RPS6KC1: variants seen among roughly 807,000 people sequenced by gnomAD.
RPS6KC1 encodes inactive ribosomal protein S6 kinase delta-1.
RPS6KC1 carries 54 observed loss-of-function variants against 103.8 expected under a neutral mutation model. The ratio of observed to expected loss-of-function variants is 0.52; its 90% CI spans 0.42 to 0.65. The LOEUF is 0.65. RPS6KC1 is among the 30% of genes least tolerant of loss of function. The pLI is 0.00. For synonymous variants in RPS6KC1, 439 were observed against 438.7 expected (o/e 1.00, Z -0.01); for missense variants, 1,151 against 1,253.8 (o/e 0.92, Z 1.24).
At chr1:213,383,136 G>A in the RPS6KC1 span, among the ~76,000 whole-genome samples, 1 of 152,136 alleles carries the variant, frequency 6.6e-6, no homozygotes, top group Non-Finnish European at 1.5e-5. Context: ...CCGGCCGTCC[G>A]CTCTGTACTG....
At chr1:213,859,978 A>T in the RPS6KC1 span, among the ~76,000 whole-genome samples, 1 of 150,010 alleles carries the variant, frequency 6.7e-6, no homozygotes, top group African/African-American at 2.5e-5. Flanking sequence ...AGTCTAAACA[A>T]AAAAAAAATC....
At chr1:213,133,477 C>T (rs2085891319) in intron 6 of RPS6KC1, among the ~76,000 whole-genome samples, 1 of 152,120 alleles carries the variant, frequency 6.6e-6, no homozygotes, top group African/African-American at 2.4e-5. Context: ...TGGACTTTGT[C>T]TAAGGACACC....
chr1:213,108,353 C>T (rs2082687687), intron 4 of RPS6KC1, among the ~76,000 whole-genome samples: 1 of 152,130 alleles, frequency 6.6e-6, no homozygotes, highest in African/African-American at 2.4e-5. Flanking sequence ...AGACTATCCT[C>T]ATTGAATCAC....
chr1:213,486,415 T>A, the RPS6KC1 span, among the ~76,000 whole-genome samples: 21 of 152,300 alleles, frequency 1.4e-4, no homozygotes, highest in Admixed American at 5.2e-4. Context: ...TTTATTTTTT[T>A]ATTTTTTTTA....
chr1:213,858,089 A>G, the RPS6KC1 span, among the ~76,000 whole-genome samples: 3 of 152,180 alleles, frequency 2.0e-5, no homozygotes, highest in East Asian at 3.8e-4. Flanking sequence ...GATCATCTCA[A>G]CCACCATGTG....
chr1:213,517,874 G>A, the RPS6KC1 span, among the ~76,000 whole-genome samples: 1 of 152,138 alleles, frequency 6.6e-6, no homozygotes, highest in Admixed American at 6.5e-5. Context: ...AAGTCTCTTC[G>A]TAGGTGTCTA....
At chr1:213,263,662 T>C (rs2094849181) in intron 14 of RPS6KC1, among the ~76,000 whole-genome samples, 1 of 152,152 alleles carries the variant, frequency 6.6e-6, no homozygotes, top group Non-Finnish European at 1.5e-5. Flanking sequence ...GAGCATATAT[T>C]AGGAAGATAA....
At chr1:213,306,646 A>G in the RPS6KC1 span, among the ~76,000 whole-genome samples, 1 of 152,212 alleles carries the variant, frequency 6.6e-6, no homozygotes. Context: ...AAGAATGGCA[A>G]GTAGGTTTCG....
At chr1:213,633,874 CAAAAAAAAAAAAAAAAAAA>C in the RPS6KC1 span, among the ~76,000 whole-genome samples, 256 of 8,260 alleles carry the variant, frequency 0.031, no homozygotes, top group Non-Finnish European at 0.046. Context: ...AAATGGAAAG[CAAAAAAAAAAAAAAAAAAA>C]AAAAAAAAAA....
At chr1:213,379,092 G>A in the RPS6KC1 span, among the ~76,000 whole-genome samples, 1 of 152,184 alleles carries the variant, frequency 6.6e-6, no homozygotes, top group Non-Finnish European at 1.5e-5. Flanking sequence ...CAAGACCCTT[G>A]ACCTTTCTGA....
At chr1:213,620,500 G>T in the RPS6KC1 span, among the ~76,000 whole-genome samples, 1 of 152,120 alleles carries the variant, frequency 6.6e-6, no homozygotes. Context: ...TCTCTTCAAG[G>T]GTAGGCCCAG....
At chr1:213,432,993 T>C in the RPS6KC1 span, among the ~76,000 whole-genome samples, 4 of 152,368 alleles carry the variant, frequency 2.6e-5, no homozygotes, top group South Asian at 8.3e-4. Context: ...ACAAATCTAG[T>C]GGCATGAAAC....
the RPS6KC1 span, among the ~76,000 whole-genome samples, chr1:213,449,810 C>A: frequency 2.6e-5 from 4 of 152,214 alleles, no homozygotes; most frequent in Non-Finnish European, 5.9e-5. Context: ...TCCCTTCCAC[C>A]CGTGGTGACG....
the RPS6KC1 span, among the ~76,000 whole-genome samples, chr1:213,852,450 T>A: frequency 1.3e-5 from 2 of 152,036 alleles, no homozygotes; most frequent in Non-Finnish European, 2.9e-5. Flanking sequence ...TAGCAAACCA[T>A]CTATTTATCT....
chr1:213,486,678 A>G, the RPS6KC1 span, among the ~76,000 whole-genome samples: 2 of 152,220 alleles, frequency 1.3e-5, no homozygotes, highest in Non-Finnish European at 2.9e-5. Context: ...ATAAGAGGCC[A>G]TGTCAGGATG....
the RPS6KC1 span, among the ~76,000 whole-genome samples, chr1:213,751,559 A>G: frequency 1.3e-5 from 2 of 152,170 alleles, no homozygotes; most frequent in Non-Finnish European, 2.9e-5. Context: ...CCTGATGTGG[A>G]CAGGGCTGGT....
intron 10 of RPS6KC1, among the ~76,000 whole-genome samples, chr1:213,237,307 T>G (rs2094243932): frequency 6.6e-6 from 1 of 152,130 alleles, no homozygotes; most frequent in African/African-American, 2.4e-5. Flanking sequence ...AACCTTTCTG[T>G]GTCTCAATTT....
At chr1:213,525,073 T>C in the RPS6KC1 span, among the ~76,000 whole-genome samples, 13 of 152,242 alleles carry the variant, frequency 8.5e-5, no homozygotes, top group Admixed American at 7.9e-4. Context: ...GTGATGATAA[T>C]AAGGATGATT....
chr1:213,205,827 C>T (rs1464441295), intron 8 of RPS6KC1, among the ~76,000 whole-genome samples: 1 of 151,704 alleles, frequency 6.6e-6, no homozygotes, highest in Non-Finnish European at 1.5e-5. Flanking sequence ...ATTCGAAATG[C>T]TTGGGACCAG....
Sources: allele counts gnomAD v4.1 joint callset (sites outside exome capture counted in the v4.1 genomes callset), GRCh38; gene constraint gnomAD v4.1.1; transcripts MANE v1.5; gene names NCBI Gene and HGNC (gene_info 2026-07-23, HGNC 2026-07-21).